The following DOK7 variants were observed in gnomAD, a reference collection of about 807,000 sequenced individuals.
The protein encoded by DOK7 is protein Dok-7.
DOK7 carries 32 observed loss-of-function variants against 30.7 expected under a neutral mutation model. That is an observed-to-expected ratio of 1.04 (90% CI 0.79 to 1.40). The LOEUF (loss-of-function observed/expected upper bound fraction) is 1.40. Among genes scored for constraint, DOK7 ranks in the 40% most tolerant of loss-of-function variants. The probability of loss-of-function intolerance (pLI) is 0.00; values close to 1 mark genes in which losing one functional copy is unlikely to be tolerated. For missense variants in DOK7, 1,007 were observed against 699.2 expected, an observed-to-expected ratio of 1.44 and a Z score of -4.97; for synonymous variants, 447 against 324.1, an observed-to-expected ratio of 1.38 and a Z score of -4.07.
In DOK7 at chr4:3,484,805, G is replaced by A. The variant is rs1727660138; in HGVS notation, c.533-734G>A. 5 of 985,440 alleles carry A rather than the reference G, an allele frequency of 5.1e-6. No individual in the cohort carries two copies. The African/African-American group carries it at 7.0e-5, about 14-fold the overall frequency. The allele number at this position is 985,440 out of a possible 1,614,324, so 61.0% of individuals were successfully genotyped here. A position where few individuals can be genotyped will look rare whatever the true frequency, so the allele number is the denominator to read the frequency against. ...TGACCGAGGAGGTGGGGAGGACGCG[G>A]TGCTGGCCAGCAGTGACGGCTGCAG... is the stretch of plus-strand genomic sequence containing the variant. On this transcript the variant is annotated intron_variant, in intron 4 of 6. Transcript: ENST00000340083.
rs1727731409 is a variant in DOK7, at chr4:3,485,658, G to A, written c.652G>A (p.Asp218Asn). The change falls in exon 5 of 7, where the codon GAC becomes AAC. Residue 218 changes from aspartate to asparagine, a missense_variant and splice_region_variant. By Grantham distance (23) the Asp-to-Asn change is conservative. Coordinates refer to ENST00000340083, the MANE Select transcript of DOK7 (RefSeq NM_173660.5). ...GPFGLRPVLP[D>N]PSPPGPSTVE... ...CTTTGGGCTGCGGCCGGTTCTACCA[G>A]GTGCGTGTGGGAGCCTGGCCGGCCG... 1 of 1,577,730 alleles carries A rather than the reference G, an allele frequency of 6.3e-7. No individual in the cohort carries two copies. Among genetic ancestry groups the A allele is most frequent in the South Asian group, 1.2e-5 (1 of 86,136 alleles).
chr4:3,468,337 T>A (rs367578882), intron 2 of DOK7, among the ~76,000 whole-genome samples: 4 of 150,036 alleles, frequency 2.7e-5, no homozygotes, highest in South Asian at 2.1e-4. Flanking sequence ...CGAGTGTGTG[T>A]GAGCTCAAAT....
intron 4 of DOK7, among the ~76,000 whole-genome samples, chr4:3,479,807 G>A (rs1019202008): frequency 6.6e-6 from 1 of 152,216 alleles, no homozygotes; most frequent in African/African-American, 2.4e-5. Context: ...GGGACAGGAG[G>A]TGGCTTGGTG....
At chr4:3,490,373 T>A in intron 6 of DOK7, among the ~76,000 whole-genome samples, 1 of 102,638 alleles carries the variant, frequency 9.7e-6, no homozygotes, top group Non-Finnish European at 1.9e-5. Flanking sequence ...ATTCCTTCCT[T>A]CCCCCCACCC....
rs77513082 is a variant in DOK7, at chr4:3,493,455, C to G, written c.1469C>G (p.Ser490Trp). 3 of 1,609,984 alleles carry G rather than the reference C, an allele frequency of 1.9e-6. No homozygotes were observed. The highest frequency in any genetic ancestry group is 2.5e-6 in the Non-Finnish European group (3 of 1,178,772). The change falls in exon 7 of 7, where the codon TCG (serine) becomes TGG (tryptophan). Residue 490 changes from serine (S) to tryptophan (W), a missense_variant. Physicochemically the swap from Ser to Trp is radical, Grantham distance 177 (BLOSUM62 -3). Transcript: ENST00000340083. ...PHAGPPPAFF[S>W]ACPVCGGLKV... ...GCGGGGCCACCCCCGGCTTTCTTTTCGGCATGTCCAGTCTGTGGAGGACTC... is the reference window on the plus strand; with the variant it reads ...GCGGGGCCACCCCCGGCTTTCTTTTGGGCATGTCCAGTCTGTGGAGGACTC...
At chr4:3,481,093 G>A (rs147922268) in intron 4 of DOK7, among the ~76,000 whole-genome samples, 2 of 152,096 alleles carry the variant, frequency 1.3e-5, no homozygotes, top group Non-Finnish European at 2.9e-5. Flanking sequence ...GCCCTGTTGG[G>A]GGGGATAGGA....
intron 6 of DOK7, among the ~76,000 whole-genome samples, chr4:3,490,221 T>G (rs1175127726): frequency 4.3e-5 from 4 of 93,848 alleles, no homozygotes; most frequent in Non-Finnish European, 7.8e-5. Flanking sequence ...ATTCCTGTCT[T>G]CACCCCCTCA....
rs148669925 is a variant in DOK7, at chr4:3,474,219, G to C, written c.331+583G>C. The stretch of plus-strand genomic sequence containing the variant: ...GAGGTGGGTGGTGATGGGGCCCTGG[G>C]CACTCAGCGGCAGAGCAAGCATAAT... On this transcript the variant is annotated intron_variant, in intron 3 of 6. Coordinates refer to ENST00000340083, the MANE Select transcript of DOK7 (RefSeq NM_173660.5). 5.2e-3 allele frequency among the ~76,000 whole-genome samples: 796 copies of C among 152,240 alleles called. 6 individuals are homozygous for C. The highest frequency in any genetic ancestry group is 0.017 in the African/African-American group (697 of 41,538).
At chr4:3,463,480 G>A (rs1280872739) in intron 1 of DOK7, 26 bp from the exon 2 acceptor site, 5 of 1,449,882 alleles carry the variant, frequency 3.4e-6, no homozygotes, top group Non-Finnish European at 2.7e-6. Flanking sequence ...GCGGGCGGCG[G>A]CTCACGCTCC....
At chr4:3,481,846 C>G (rs372214712) in intron 4 of DOK7, among the ~76,000 whole-genome samples, 2 of 152,154 alleles carry the variant, frequency 1.3e-5, no homozygotes, top group African/African-American at 4.8e-5. Context: ...TTTCTCAAGC[C>G]GGTGAGTCCT....
intron 5 of DOK7, among the ~76,000 whole-genome samples, chr4:3,487,207 G>T (rs1280065163): frequency 2.2e-5 from 3 of 135,792 alleles, no homozygotes; most frequent in Non-Finnish European, 4.7e-5. Flanking sequence ...CAGGTGTGTG[G>T]GGGCCTCAGG....
At chr4:3,497,322 G>C (rs917447190), downstream of DOK7, among the ~76,000 whole-genome samples, 4 of 152,124 alleles carry the variant, frequency 2.6e-5, no homozygotes, top group Non-Finnish European at 5.9e-5. Context: ...GTGGGGGCCT[G>C]TGGAGGCTGG....
At chr4:3,497,308 A>T, downstream of DOK7, among the ~76,000 whole-genome samples, 1 of 151,948 alleles carries the variant, frequency 6.6e-6, no homozygotes, top group Non-Finnish European at 1.5e-5. Flanking sequence ...GTCCTCAGAC[A>T]GCGGTGGGGG....
intron 2 of DOK7, among the ~76,000 whole-genome samples, chr4:3,465,052 A>C (rs1726193003): frequency 6.6e-6 from 1 of 152,118 alleles, no homozygotes; most frequent in Non-Finnish European, 1.5e-5. Flanking sequence ...GTGGATGTTC[A>C]TTCCAAGCCT....
At chr4:3,496,893 C>T (rs200932336), downstream of DOK7, 32 of 1,302,614 alleles carry the variant, frequency 2.5e-5, no homozygotes, top group Middle Eastern at 6.2e-4. Flanking sequence ...CCCCAGAGCT[C>T]GGGGACAGGA....
At chr4:3,468,808 C>CTG (rs1372890898) in intron 2 of DOK7, among the ~76,000 whole-genome samples, 2 of 136,802 alleles carry the variant, frequency 1.5e-5, no homozygotes, top group South Asian at 2.3e-4. Context: ...CTGTGTGTGC[C>CTG]TGTGTGTGTA....
At chr4:3,484,655 C>T in intron 4 of DOK7, 1 of 985,560 alleles carries the variant, frequency 1.0e-6, no homozygotes, top group Non-Finnish European at 1.2e-6. Context: ...GCCAGTGACG[C>T]TGGGCTGGTC....
At chr4:3,464,912 T>C (rs1308425651) in intron 2 of DOK7, among the ~76,000 whole-genome samples, 1 of 152,192 alleles carries the variant, frequency 6.6e-6, no homozygotes, top group Non-Finnish European at 1.5e-5. Context: ...TCTGTGAGTC[T>C]GTAGGTGAAC....
chr4:3,471,743 A>C (rs1726780254), intron 2 of DOK7, among the ~76,000 whole-genome samples: 3 of 152,112 alleles, frequency 2.0e-5, no homozygotes, highest in African/African-American at 7.2e-5. Flanking sequence ...CCTGCCTTGG[A>C]GTTTCCAGAG....
Sources: allele counts gnomAD v4.1 joint callset (sites outside exome capture counted in the v4.1 genomes callset), GRCh38; gene constraint gnomAD v4.1.1; transcripts MANE v1.5; gene names NCBI Gene and HGNC (gene_info 2026-07-23, HGNC 2026-07-21).